GRM7: variants seen among roughly 807,000 people sequenced by gnomAD.
GRM7 encodes glutamate metabotropic receptor 7.
Under a neutral mutation model 84.5 loss-of-function variants are expected in GRM7, and 35 were observed. The observed-to-expected ratio is 0.41, with a 90% CI of 0.32 to 0.55. The LOEUF is 0.55. GRM7 is among the 20% of genes least tolerant of loss of function. The pLI, the probability that GRM7 is intolerant of heterozygous loss-of-function variation, is 0.19. For synonymous variants in GRM7, 487 were observed against 455.1 expected, an observed-to-expected ratio of 1.07 and a Z score of -0.89; for missense variants, 1,003 against 1,194.6, an observed-to-expected ratio of 0.84 and a Z score of 2.36.
intron 1 of GRM7, among the ~76,000 whole-genome samples, chr3:7,061,810 A>G (rs940964138): frequency 6.6e-6 from 1 of 151,718 alleles, no homozygotes; most frequent in African/African-American, 2.4e-5. Flanking sequence ...GTTTTAAAGC[A>G]AGGCAGCTAA....
At chr3:7,229,755 A>ATTTTTTT (rs1266640710) in intron 2 of GRM7, among the ~76,000 whole-genome samples, 15 of 28,478 alleles carry the variant, frequency 5.3e-4, no homozygotes, top group African/African-American at 2.0e-3. Context: ...ATATATATAT[A>ATTTTTTT]TATATTTTTT....
chr3:7,181,325 A>G (rs1025184761), intron 2 of GRM7, among the ~76,000 whole-genome samples: 6 of 152,214 alleles, frequency 3.9e-5, no homozygotes, highest in Admixed American at 3.9e-4. Context: ...TTCAATGCAG[A>G]TTCATTCTTA....
chr3:7,619,848 C>T (rs1406501771), intron 8 of GRM7, among the ~76,000 whole-genome samples: 2 of 152,166 alleles, frequency 1.3e-5, no homozygotes, highest in African/African-American at 4.8e-5. Context: ...AGTTCACCTT[C>T]CTCAGTAGTC....
chr3:6,862,002 C>A lies in GRM7; in HGVS notation c.519+95C>A. ...TGGACTCCGGTGGTGCGGGTCAGGT[C>A]AGCCTTCGCTCATTTCCTCCCTGGA... On this transcript the variant is annotated intron_variant, in intron 1 of 9. Coordinates refer to ENST00000357716, the MANE Select transcript of GRM7 (RefSeq NM_000844.4). This position sits in a 1 kb window ranked among gnomAD's most constrained non-coding sequence, Gnocchi z 5.2. 4 of 1,036,636 alleles carry A rather than the reference C, an allele frequency of 3.9e-6. No homozygotes were observed. Among genetic ancestry groups the A allele is most frequent in the Non-Finnish European group, 5.6e-6 (4 of 712,272 alleles). 64.2% of individuals were successfully genotyped at this position (1,036,636 alleles called of 1,614,324 possible). A position where few individuals can be genotyped will look rare whatever the true frequency, so the allele number is the denominator to read the frequency against.
At chr3:7,525,121 G>T (rs1448095715) in intron 7 of GRM7, among the ~76,000 whole-genome samples, 2 of 151,110 alleles carry the variant, frequency 1.3e-5, no homozygotes, top group African/African-American at 2.4e-5. Context: ...GTTGAGGGGT[G>T]GGGGTAGGGG....
At chr3:7,306,754 CAT>C in intron 4 of GRM7, 102 bp downstream of exon 4, 3 of 948,568 alleles carry the variant, frequency 3.2e-6, no homozygotes, top group Non-Finnish European at 4.7e-6. Flanking sequence ...TTACCAAACT[CAT>C]GTGGGGTTGT....
At chr3:7,539,019 G>T (rs1271577325) in intron 7 of GRM7, among the ~76,000 whole-genome samples, 1 of 152,082 alleles carries the variant, frequency 6.6e-6, no homozygotes, top group African/African-American at 2.4e-5. Flanking sequence ...CTGTCCCTTT[G>T]CCAAATGATG....
At chr3:7,339,209 G>A (rs749895093) in intron 4 of GRM7, among the ~76,000 whole-genome samples, 19 of 152,100 alleles carry the variant, frequency 1.2e-4, no homozygotes, top group Non-Finnish European at 2.4e-4. Context: ...CTAAGTAGCA[G>A]TGGCCATTCA....
intron 9 of GRM7, among the ~76,000 whole-genome samples, chr3:7,723,277 C>G (rs1454641778): frequency 6.6e-6 from 1 of 152,090 alleles, no homozygotes; most frequent in Non-Finnish European, 1.5e-5. Context: ...CTTCGAGATC[C>G]CTTTATTGCT....
intron 9 of GRM7, among the ~76,000 whole-genome samples, chr3:7,696,965 A>G (rs954039460): frequency 8.5e-5 from 13 of 152,182 alleles, no homozygotes; most frequent in African/African-American, 2.7e-4. Flanking sequence ...GGCCAGTTCT[A>G]TCAATCGGGT....
At chr3:7,508,282 T>C (rs910184362) in intron 7 of GRM7, among the ~76,000 whole-genome samples, 3 of 151,922 alleles carry the variant, frequency 2.0e-5, no homozygotes, top group African/African-American at 4.8e-5. Context: ...AAATAGAAAA[T>C]AAAGATTAAG....
At chr3:7,156,460 A>T (rs1028098897) in intron 2 of GRM7, among the ~76,000 whole-genome samples, 2 of 152,184 alleles carry the variant, frequency 1.3e-5, no homozygotes, top group African/African-American at 4.8e-5. Context: ...TTTGGGTGGC[A>T]ACCGGATCAG....
intron 4 of GRM7, among the ~76,000 whole-genome samples, chr3:7,352,866 CCCTGT>C (rs1449909764): frequency 6.6e-6 from 1 of 152,030 alleles, no homozygotes; most frequent in African/African-American, 2.4e-5. Context: ...TCCAACATGT[CCCTGT>C]CCTAACTTAC....
intron 8 of GRM7, among the ~76,000 whole-genome samples, chr3:7,642,487 G>A (rs1173732368): frequency 1.3e-5 from 2 of 152,118 alleles, no homozygotes; most frequent in East Asian, 1.9e-4. Context: ...CTTTCATCAT[G>A]CCTTGCCTAG....
intron 1 of GRM7, among the ~76,000 whole-genome samples, chr3:7,061,269 G>A (rs1460375162): frequency 2.6e-5 from 4 of 151,664 alleles, no homozygotes; most frequent in Non-Finnish European, 5.9e-5. Context: ...AAATATGGCT[G>A]GAATAGTATT....
At chr3:7,625,328 C>T (rs1697559633) in intron 8 of GRM7, among the ~76,000 whole-genome samples, 1 of 152,020 alleles carries the variant, frequency 6.6e-6, no homozygotes, top group Non-Finnish European at 1.5e-5. Flanking sequence ...ATTTAAAGTT[C>T]ACAGTCTAGA....
intron 7 of GRM7, among the ~76,000 whole-genome samples, chr3:7,575,236 A>G (rs1466984895): frequency 3.9e-5 from 6 of 152,200 alleles, no homozygotes. Flanking sequence ...CCCCAAAACC[A>G]TAAACCTTGG....
chr3:7,223,262 A>C (rs1007944255), intron 2 of GRM7, among the ~76,000 whole-genome samples: 1 of 151,996 alleles, frequency 6.6e-6, no homozygotes, highest in African/African-American at 2.4e-5. Context: ...TTGTCTTATT[A>C]TACATCCTAT....
intron 8 of GRM7, among the ~76,000 whole-genome samples, chr3:7,674,215 G>C (rs1019397358): frequency 6.6e-6 from 1 of 151,386 alleles, no homozygotes; most frequent in African/African-American, 2.4e-5. Context: ...TTTTGAGATG[G>C]GGTTTCACTC....
Sources: allele counts gnomAD v4.1 joint callset (sites outside exome capture counted in the v4.1 genomes callset), GRCh38; gene constraint gnomAD v4.1.1; non-coding constraint Gnocchi (gnomAD v3.1); transcripts MANE v1.5; gene names NCBI Gene and HGNC (gene_info 2026-07-23, HGNC 2026-07-21).